The following PHLPP1 variants were observed in gnomAD, a reference collection of about 807,000 sequenced individuals.
PHLPP1 encodes the protein PH domain and leucine rich repeat protein phosphatase 1.
PHLPP1 carries 42 observed loss-of-function variants against 117.2 expected under a neutral mutation model. That is an observed-to-expected ratio of 0.36 (90% CI 0.28 to 0.46). The LOEUF (loss-of-function observed/expected upper bound fraction) is 0.46, where lower values mean the gene tolerates loss of function less well. Among genes scored for constraint, PHLPP1 ranks in the 20% least tolerant of loss-of-function variants. The pLI is 1.00. For synonymous variants in PHLPP1, 1,042 were observed against 970.7 expected, an observed-to-expected ratio of 1.07 and a Z score of -1.37; for missense variants, 2,084 against 2,241.9, an observed-to-expected ratio of 0.93 and a Z score of 1.42.
intron 1 of PHLPP1, among the ~76,000 whole-genome samples, chr18:62,797,755 A>G (rs907615877): frequency 2.0e-5 from 3 of 152,118 alleles, no homozygotes; most frequent in African/African-American, 7.2e-5. Flanking sequence ...AAATGATATA[A>G]TTTTTCATCT....
At chr18:62,913,023 A>C (rs536245830) in intron 8 of PHLPP1, among the ~76,000 whole-genome samples, 210 of 152,308 alleles carry the variant, frequency 1.4e-3, no homozygotes, top group African/African-American at 4.9e-3. Flanking sequence ...ACTGAATTGG[A>C]AACTCTTGTG....
At chr18:62,972,419 CAA>C in intron 14 of PHLPP1, 93 bp from the exon 15 acceptor site, 1 of 1,166,030 alleles carries the variant, frequency 8.6e-7, no homozygotes, top group South Asian at 1.5e-5. Context: ...AAGAAAGAGA[CAA>C]AACTGAGTTA....
chr18:62,879,388 C>T (rs1259221495), intron 4 of PHLPP1, among the ~76,000 whole-genome samples: 4 of 151,472 alleles, frequency 2.6e-5, no homozygotes, highest in Admixed American at 1.3e-4. Flanking sequence ...ATAAATTACC[C>T]AATGGTATTC....
At chr18:62,953,043 C>T (rs1910508671) in intron 12 of PHLPP1, among the ~76,000 whole-genome samples, 1 of 152,174 alleles carries the variant, frequency 6.6e-6, no homozygotes, top group Admixed American at 6.5e-5. Context: ...GTATCAACAT[C>T]CCACGTTAGT....
chr18:62,949,607 A>T (rs1012120006), intron 12 of PHLPP1, among the ~76,000 whole-genome samples: 2 of 152,170 alleles, frequency 1.3e-5, no homozygotes, highest in African/African-American at 4.8e-5. Flanking sequence ...TAGTGTTATT[A>T]TCCTCACCTT....
chr18:62,789,323 T>C (rs1294670436), intron 1 of PHLPP1, among the ~76,000 whole-genome samples: 1 of 152,208 alleles, frequency 6.6e-6, no homozygotes, highest in East Asian at 1.9e-4. Context: ...TTGAAAAAAA[T>C]CTCAGATGGC....
At chr18:62,878,605 G>A (rs1305996735) in intron 4 of PHLPP1, among the ~76,000 whole-genome samples, 1 of 152,132 alleles carries the variant, frequency 6.6e-6, no homozygotes, top group Non-Finnish European at 1.5e-5. Context: ...ACCAGAACTG[G>A]CAGGATATTT....
intron 4 of PHLPP1, among the ~76,000 whole-genome samples, chr18:62,880,035 C>T (rs1180247083): frequency 6.6e-6 from 1 of 151,904 alleles, no homozygotes; most frequent in Non-Finnish European, 1.5e-5. Flanking sequence ...TTTATAAGAG[C>T]TTTGTTCTCA....
Position 62,715,892 on chromosome 18 carries a change from C to A in PHLPP1, c.209C>A (p.Ala70Glu). 1 of 874,510 alleles carries A rather than the reference C, an allele frequency of 1.1e-6. No homozygotes were observed. Among genetic ancestry groups the A allele is most frequent in the Non-Finnish European group, 1.4e-6 (1 of 727,450 alleles). 54.2% of individuals were successfully genotyped at this position (874,510 alleles called of 1,614,324 possible). Residue 70 changes from alanine to glutamate, a missense_variant, in exon 1 of 17, where the codon GCG becomes GAG. By Grantham distance (107) the Ala-to-Glu change is moderately radical. Transcript: ENST00000262719. ...PSGGNGSGSG[A>E]REEAPGEAPP... ...GGCGGGAACGGCAGCGGCAGCGGGGCGCGGGAAGAGGCCCCAGGCGAGGCG... is the reference window on the plus strand; with the variant it reads ...GGCGGGAACGGCAGCGGCAGCGGGGAGCGGGAAGAGGCCCCAGGCGAGGCG...
intron 4 of PHLPP1, among the ~76,000 whole-genome samples, chr18:62,887,248 G>A (rs1916307913): frequency 6.6e-6 from 1 of 152,156 alleles, no homozygotes; most frequent in South Asian, 2.1e-4. Flanking sequence ...ATTCATAATT[G>A]CATGCAGTAG....
intron 1 of PHLPP1, among the ~76,000 whole-genome samples, chr18:62,792,889 A>T (rs1005040408): frequency 6.7e-6 from 1 of 148,232 alleles, no homozygotes; most frequent in Non-Finnish European, 1.5e-5. Context: ...AAAAAAAAAA[A>T]AAAGGTCACG....
rs146348630 is a variant in PHLPP1, at chr18:62,887,962, A to T, written c.2067-7049A>T. Among the ~76,000 whole-genome samples the T allele has an allele frequency of 4.6e-5, 7 of 151,894 alleles. 1 individual carries two copies. The East Asian group carries it at 9.7e-4, about 21-fold the overall frequency. ...CCTGTGTTGCCCAGGCTAGTCTTGG[A>T]CTCCTGGGCTCAAACAGTCCTCCCT... On this transcript the variant is annotated intron_variant, in intron 4 of 16. Transcript: ENST00000262719.
At chr18:62,795,004 T>A (rs1913582914) in intron 1 of PHLPP1, among the ~76,000 whole-genome samples, 1 of 152,180 alleles carries the variant, frequency 6.6e-6, no homozygotes, top group African/African-American at 2.4e-5. Context: ...CTCTTTATTA[T>A]CCATCAGTTT....
At chr18:62,765,631 A>C (rs994896955) in intron 1 of PHLPP1, among the ~76,000 whole-genome samples, 3 of 152,166 alleles carry the variant, frequency 2.0e-5, no homozygotes, top group Admixed American at 1.3e-4. Context: ...GCTTAAGTAG[A>C]TCTACAGGGT....
At chr18:62,740,288 A>G (rs1911485455) in intron 1 of PHLPP1, among the ~76,000 whole-genome samples, 1 of 152,206 alleles carries the variant, frequency 6.6e-6, no homozygotes, top group African/African-American at 2.4e-5. Flanking sequence ...TTCTGTTTAT[A>G]AACTCATTTA....
At chr18:62,731,634 T>C (rs1237576113) in intron 1 of PHLPP1, among the ~76,000 whole-genome samples, 4 of 152,214 alleles carry the variant, frequency 2.6e-5, no homozygotes, top group Non-Finnish European at 5.9e-5. Context: ...AAGCTGAATA[T>C]GATTAAACTT....
intron 3 of PHLPP1, among the ~76,000 whole-genome samples, chr18:62,852,282 CT>C (rs1291536344): frequency 1.3e-5 from 2 of 152,096 alleles, no homozygotes; most frequent in Non-Finnish European, 2.9e-5. Context: ...AAGTATAAAA[CT>C]GGTAGCTTTG....
At chr18:62,743,513 A>T (rs1425511511) in intron 1 of PHLPP1, among the ~76,000 whole-genome samples, 1 of 152,100 alleles carries the variant, frequency 6.6e-6, no homozygotes, top group East Asian at 1.9e-4. Context: ...CTCTAAACTT[A>T]AGTATCGCCA....
chr18:62,916,678 A>C (rs1464860283), intron 9 of PHLPP1, among the ~76,000 whole-genome samples: 1 of 149,590 alleles, frequency 6.7e-6, no homozygotes, highest in Non-Finnish European at 1.5e-5. Context: ...TGAAAACAGT[A>C]GGGAAAAAAA....
Sources: allele counts gnomAD v4.1 joint callset (sites outside exome capture counted in the v4.1 genomes callset), GRCh38; gene constraint gnomAD v4.1.1; transcripts MANE v1.5; gene names NCBI Gene and HGNC (gene_info 2026-07-23, HGNC 2026-07-21).